The following TCP11L2 variants were observed in gnomAD, a reference collection of about 807,000 sequenced individuals.
The protein encoded by TCP11L2 is t-complex 11 like 2, also known as T-complex protein 11-like protein 2.
In TCP11L2, 39 loss-of-function variants were observed where a neutral mutation model predicts 50.7. The observed-to-expected ratio is 0.77, with a 90% CI of 0.60 to 1.01. The LOEUF (loss-of-function observed/expected upper bound fraction) is 1.01, where lower values mean the gene tolerates loss of function less well. TCP11L2 is among the 50% of genes least tolerant of loss of function. The probability of loss-of-function intolerance (pLI) is 0.00; values close to 1 mark genes in which losing one functional copy is unlikely to be tolerated. For missense variants in TCP11L2, 612 were observed against 614.7 expected, an observed-to-expected ratio of 1.00 and a Z score of 0.05; for synonymous variants, 192 against 219.3, an observed-to-expected ratio of 0.88 and a Z score of 1.10.
In TCP11L2 at chr12:106,329,796, T is replaced by G. The variant is rs1386637235; in HGVS notation, c.773-5843T>G. The G allele has an allele frequency of 3.0e-6, 3 of 989,842 alleles. No individual in the cohort carries two copies. The East Asian group carries it at 3.3e-4, about 109-fold the overall frequency. The allele number at this position is 989,842 out of a possible 1,614,324, so 61.3% of individuals were successfully genotyped here. ...TTCACGATGATTTCCACTCGCGCTC[T>G]CTCAGTTGGATGTCTTTTAAATGAA... On this transcript the variant is annotated intron_variant, in intron 6 of 9. Coordinates refer to ENST00000299045, the MANE Select transcript of TCP11L2 (RefSeq NM_152772.3).
chr12:106,332,211 A>G (rs1047253506), intron 6 of TCP11L2, among the ~76,000 whole-genome samples: 1 of 152,232 alleles, frequency 6.6e-6, no homozygotes, highest in Admixed American at 6.5e-5. Flanking sequence ...ACAATTAAAT[A>G]CATTATATTA....
intron 1 of TCP11L2, among the ~76,000 whole-genome samples, chr12:106,304,958 C>T (rs1482616676): frequency 6.6e-6 from 1 of 152,054 alleles, no homozygotes; most frequent in African/African-American, 2.4e-5. Context: ...AGCAGCCATA[C>T]CAGGATAAGA....
upstream of TCP11L2, among the ~76,000 whole-genome samples, chr12:106,302,308 TCA>T (rs2034437760): frequency 1.6e-5 from 1 of 60,960 alleles, no homozygotes; most frequent in African/African-American, 7.3e-5. Flanking sequence ...AGAGCCCCGC[TCA>T]GCCCCCGCTC....
At chr12:106,318,799 C>T (rs1305180691) in intron 4 of TCP11L2, among the ~76,000 whole-genome samples, 1 of 152,180 alleles carries the variant, frequency 6.6e-6, no homozygotes, top group Non-Finnish European at 1.5e-5. Flanking sequence ...CAACCTCTGC[C>T]TCCCGGGTTC....
chr12:106,329,746 T>C (rs2035682395), intron 6 of TCP11L2: 1 of 1,021,880 alleles, frequency 9.8e-7, no homozygotes, highest in African/African-American at 1.7e-5. Context: ...GTATAAATGC[T>C]TATTACTGCC....
In TCP11L2 at chr12:106,331,321, A is replaced by AAAAAGAAAAGAAAAG. The variant is rs79569938; in HGVS notation, c.773-4308_773-4294dup. On this transcript the variant is annotated intron_variant, in intron 6 of 9. Transcript: ENST00000299045. Reference sequence around the variant, plus strand: ...AGCTAGCACGCTAACTGGTATCTACAAAAAGAAAAGAAAAGAAAAGAAAAA... The same window carrying AAAAAGAAAAGAAAAG: ...AGCTAGCACGCTAACTGGTATCTACAAAAAGAAAAGAAAAGAAAAGAAAAGAAAAGAAAAGAAAAA... Among the ~76,000 whole-genome samples the AAAAAGAAAAGAAAAG allele has an allele frequency of 5.5e-4, 83 of 151,216 alleles. 1 individual carries two copies. The highest frequency in any genetic ancestry group is 1.9e-3 in the African/African-American group (76 of 41,012).
upstream of TCP11L2, among the ~76,000 whole-genome samples, chr12:106,299,481 G>C (rs1400098022): frequency 6.6e-6 from 1 of 152,130 alleles, no homozygotes; most frequent in Non-Finnish European, 1.5e-5. Context: ...GAAAATGCAA[G>C]GCCCCCTTTC....
chr12:106,321,369 G>A, intron 4 of TCP11L2, 117 bp from the exon 5 acceptor site: 5 of 819,952 alleles, frequency 6.1e-6, no homozygotes, highest in Non-Finnish European at 7.8e-6. Flanking sequence ...GCCAACTTCT[G>A]TGGCATCTGA....
upstream of TCP11L2, among the ~76,000 whole-genome samples, chr12:106,302,396 A>G (rs1190821157): frequency 1.3e-4 from 8 of 62,804 alleles, no homozygotes; most frequent in African/African-American, 2.6e-4. Flanking sequence ...GCCCCCGCTC[A>G]GCCCCCGCTC....
intron 1 of TCP11L2, among the ~76,000 whole-genome samples, chr12:106,305,359 G>A (rs1400273535): frequency 6.6e-6 from 1 of 152,122 alleles, no homozygotes; most frequent in African/African-American, 2.4e-5. Flanking sequence ...TTTGCTACAC[G>A]TGAGTTTCTT....
intron 9 of TCP11L2, among the ~76,000 whole-genome samples, chr12:106,344,369 C>T (rs897838549): frequency 6.6e-6 from 1 of 152,170 alleles, no homozygotes; most frequent in Non-Finnish European, 1.5e-5. Flanking sequence ...AAACCTCACG[C>T]TCAGAGAGTC....
chr12:106,346,343 G>T lies in TCP11L2; in HGVS notation c.1373G>T (p.Cys458Phe). The T allele has an allele frequency of 6.2e-7, 1 of 1,613,964 alleles. No individual in the cohort carries two copies. The highest frequency in any genetic ancestry group is 8.5e-7 in the Non-Finnish European group (1 of 1,179,882). The change falls in exon 10 of 10, where the codon TGC becomes TTC. Residue 458 changes from cysteine (C) to phenylalanine (F), a missense_variant. By Grantham distance (205) the Cys-to-Phe change is radical. Coordinates refer to ENST00000299045, the MANE Select transcript of TCP11L2 (RefSeq NM_152772.3). ...RLLCLPSPQK[C>F]MPPMPGGLAV... is the part of the protein sequence containing the mutation. ...CTTTGTCTTCCAAGCCCTCAAAAAT[G>T]CATGCCTCCTATGCCAGGAGGCCTA...
At chr12:106,314,257 G>C (rs922162119) in intron 2 of TCP11L2, 101 bp from the exon 3 acceptor site, 1 of 1,259,726 alleles carries the variant, frequency 7.9e-7, no homozygotes, top group African/African-American at 1.5e-5. Flanking sequence ...AAACTCTGAA[G>C]TATATACATT....
chr12:106,319,129 T>C (rs1038513218), intron 4 of TCP11L2, among the ~76,000 whole-genome samples: 1 of 152,108 alleles, frequency 6.6e-6, no homozygotes, highest in Admixed American at 6.5e-5. Flanking sequence ...GCCAGGATGG[T>C]CTCGATCTCC....
upstream of TCP11L2, among the ~76,000 whole-genome samples, chr12:106,298,197 G>C (rs1036160894): frequency 1.3e-5 from 2 of 151,974 alleles, no homozygotes; most frequent in African/African-American, 4.8e-5. Flanking sequence ...AGTCAAAACT[G>C]GTCAATTATC....
intron 6 of TCP11L2, among the ~76,000 whole-genome samples, chr12:106,332,756 C>T (rs1402505224): frequency 6.6e-6 from 1 of 151,826 alleles, no homozygotes; most frequent in Non-Finnish European, 1.5e-5. Flanking sequence ...TTTTTTGTCT[C>T]CTCTTTTAAG....
chr12:106,335,171 G>A (rs1390339255), intron 6 of TCP11L2, among the ~76,000 whole-genome samples: 1 of 152,144 alleles, frequency 6.6e-6, no homozygotes, highest in Non-Finnish European at 1.5e-5. Context: ...TCTTCAGATT[G>A]TATAAATCTT....
chr12:106,319,595 G>A (rs1331036200), intron 4 of TCP11L2, among the ~76,000 whole-genome samples: 4 of 152,196 alleles, frequency 2.6e-5, no homozygotes, highest in Non-Finnish European at 5.9e-5. Context: ...TACTTACAGG[G>A]TAGTCATAAG....
intron 1 of TCP11L2, among the ~76,000 whole-genome samples, chr12:106,309,409 A>G (rs548019393): frequency 4.6e-5 from 7 of 152,032 alleles, no homozygotes; most frequent in African/African-American, 1.7e-4. Flanking sequence ...AGCCTGCACA[A>G]GTGGACTCTA....
Sources: allele counts gnomAD v4.1 joint callset (sites outside exome capture counted in the v4.1 genomes callset), GRCh38; gene constraint gnomAD v4.1.1; transcripts MANE v1.5; gene names NCBI Gene and HGNC (gene_info 2026-07-23, HGNC 2026-07-21).